STARD9: variants seen among roughly 807,000 people sequenced by gnomAD.
The protein encoded by STARD9 is StAR related lipid transfer domain containing 9, also known as stAR-related lipid transfer protein 9.
In STARD9, 346 loss-of-function variants were observed where a neutral mutation model predicts 399.8. That is an observed-to-expected ratio of 0.87 (90% CI 0.79 to 0.95). The LOEUF is 0.95. STARD9 is among the 40% of genes least tolerant of loss of function. The pLI is 0.00. For missense variants in STARD9, 5,832 were observed against 5,667.5 expected (o/e 1.03, Z -0.93); for synonymous variants, 2,203 against 2,143.5 (o/e 1.03, Z -0.77).
chr15:42,595,317 G>C (rs1281035894), intron 3 of STARD9, among the ~76,000 whole-genome samples: 3 of 152,080 alleles, frequency 2.0e-5, no homozygotes, highest in Non-Finnish European at 4.4e-5. Context: ...TTGCATTATT[G>C]CTTAAGGTCA....
intron 20 of STARD9, among the ~76,000 whole-genome samples, chr15:42,678,506 T>C (rs534196736): frequency 6.6e-6 from 1 of 152,160 alleles, no homozygotes; most frequent in Non-Finnish European, 1.5e-5. Context: ...ATTTTCCCAT[T>C]TGGAATTGTA....
Position 42,691,617 on chromosome 15 carries a change from C to G in STARD9, c.10039C>G (p.Pro3347Ala), listed in dbSNP as rs746609484. 1 of 1,537,144 alleles carries G rather than the reference C, an allele frequency of 6.5e-7. No individual in the cohort carries two copies. Among genetic ancestry groups the G allele is most frequent in the African/African-American group, 1.4e-5 (1 of 73,040 alleles). ...ELNLSVEPPS[P>A]TDEDTQGPNR... is the part of the protein sequence containing the mutation. ...GAACTTGAGTGTGGAGCCTCCTTCCCCTACAGACGAAGATACACAGGGGCC... is the reference window on the plus strand; with the variant it reads ...GAACTTGAGTGTGGAGCCTCCTTCCGCTACAGACGAAGATACACAGGGGCC... Residue 3347 changes from proline (P) to alanine (A), a missense_variant, in exon 23 of 33, where the codon CCT (proline) becomes GCT (alanine). Physicochemically the swap from Pro to Ala is conservative, Grantham distance 27. Coordinates refer to ENST00000290607, the MANE Select transcript of STARD9 (RefSeq NM_020759.3).
In STARD9 at chr15:42,689,372, A is replaced by G. The variant is rs1434570256; in HGVS notation, c.7794A>G (p.Gln2598=). 6.5e-7 allele frequency: 1 copy of G among 1,537,362 alleles called. No individual in the cohort carries two copies. The highest frequency in any genetic ancestry group is 2.0e-5 in the Admixed American group (1 of 51,000). The change falls in exon 23 of 33, where the codon CAA becomes CAG. Residue 2598 remains glutamine, a synonymous_variant. Transcript: ENST00000290607. ...SRVAGRPQCK[Q]IDQSSSDQTR... ...TTGCTGGCAGGCCTCAGTGTAAACA[A>G]ATAGACCAGTCATCATCAGACCAGA...
chr15:42,577,300 C>A (rs2058078101), intron 1 of STARD9, among the ~76,000 whole-genome samples: 1 of 152,130 alleles, frequency 6.6e-6, no homozygotes, highest in Admixed American at 6.5e-5. Flanking sequence ...ACTACAGGCA[C>A]CCGCCACCAT....
At position 42,685,262 on chromosome 15, in the gene STARD9, C is replaced by G; in HGVS notation, c.3684C>G (p.Asp1228Glu). The G allele has an allele frequency of 6.5e-7, 1 of 1,537,474 alleles. No homozygotes were observed. The highest frequency in any genetic ancestry group is 1.4e-5 in the African/African-American group (1 of 73,110). The change falls in exon 23 of 33, where the codon GAC (aspartate) becomes GAG (glutamate). Residue 1228 changes from aspartate (D) to glutamate (E), a missense_variant. Asp to Glu is a conservative substitution (Grantham distance 45). Around this residue, in one of 2 missense-constraint regions of STARD9, gnomAD observed 5,828 missense variants for 5,651.1 expected, o/e 1.03. Transcript: ENST00000290607. ...QQEEPFPGSA[D>E]EIPTETFWHL... ...AAGAACCTTTCCCTGGTTCAGCTGA[C>G]GAGATACCCACAGAGACTTTTTGGC... is the stretch of plus-strand genomic sequence containing the variant.
In STARD9 at chr15:42,712,121, A is replaced by G; in HGVS notation, c.13285-4556A>G. 3.4e-5 allele frequency among the ~76,000 whole-genome samples: 3 copies of G among 88,972 alleles called. 1 individual carries two copies. In the Admixed American group the frequency reaches 5.8e-4, roughly 17 times the overall value. 58.4% of individuals were successfully genotyped at this position (88,972 alleles called of 152,430 possible). On this transcript the variant is annotated intron_variant, in intron 26 of 32. Coordinates refer to ENST00000290607, the MANE Select transcript of STARD9 (RefSeq NM_020759.3). ...TAATATATAATATATAATATATAAT[A>G]TATATATAAATGTGCCTTTGCCCAT... is the stretch of plus-strand genomic sequence containing the variant.
At chr15:42,651,795 C>A (rs1365960621) in intron 8 of STARD9, among the ~76,000 whole-genome samples, 1 of 152,124 alleles carries the variant, frequency 6.6e-6, no homozygotes, top group Non-Finnish European at 1.5e-5. Flanking sequence ...TTCAGGGTAC[C>A]CTGAGCTCCA....
chr15:42,588,633 C>T (rs909569696), intron 3 of STARD9, among the ~76,000 whole-genome samples: 9 of 152,174 alleles, frequency 5.9e-5, no homozygotes, highest in African/African-American at 2.2e-4. Flanking sequence ...ATTGCTTTAA[C>T]ACAGAAATTG....
intron 27 of STARD9, 57 bp from the exon 28 acceptor site, chr15:42,716,870 C>T (rs971028737): frequency 3.9e-6 from 6 of 1,534,838 alleles, no homozygotes; most frequent in African/African-American, 2.7e-5. Flanking sequence ...AGAGCTGTTG[C>T]TGTCCTGAGG....
intron 4 of STARD9, among the ~76,000 whole-genome samples, chr15:42,635,568 A>G (rs1001998352): frequency 6.6e-6 from 1 of 152,008 alleles, no homozygotes; most frequent in African/African-American, 2.4e-5. Context: ...TCATCTCGTG[A>G]TCTGCCCGCC....
chr15:42,715,664 C>T (rs1355357067), intron 26 of STARD9, among the ~76,000 whole-genome samples: 3 of 152,086 alleles, frequency 2.0e-5, no homozygotes, highest in South Asian at 2.1e-4. Context: ...CCCGCCACCA[C>T]GCCCGGCTAA....
rs2060648136 is a variant in STARD9, at chr15:42,689,836, C to T, written c.8258C>T (p.Pro2753Leu). The change falls in exon 23 of 33, where the codon CCT (proline) becomes CTT (leucine). Residue 2753 changes from proline (P) to leucine (L), a missense_variant. Pro to Leu is a moderately conservative substitution (Grantham distance 98). Transcript: ENST00000290607. Reference sequence around the variant, plus strand: ...CCTTCTCAGGCCCCTTATGATGATCCTAGAGTGACTCTGCATGAGCTAAGT... The same window carrying T: ...CCTTCTCAGGCCCCTTATGATGATCTTAGAGTGACTCTGCATGAGCTAAGT... ...ALPSQAPYDD[P>L]RVTLHELSQS... 6.5e-7 allele frequency: 1 copy of T among 1,537,250 alleles called. No individual in the cohort carries two copies.
chr15:42,583,298 C>T (rs1489538095), intron 1 of STARD9, 48 bp from the exon 2 acceptor site: 4 of 1,441,576 alleles, frequency 2.8e-6, no homozygotes, highest in Admixed American at 2.2e-5. Context: ...GCTCTTTTTT[C>T]TTGATTTTAA....
chr15:42,697,038 C>T (rs1417401985), intron 26 of STARD9, among the ~76,000 whole-genome samples: 1 of 152,164 alleles, frequency 6.6e-6, no homozygotes, highest in South Asian at 2.1e-4. Flanking sequence ...AATGTTTAAA[C>T]AGTAGCAAAA....
intron 20 of STARD9, among the ~76,000 whole-genome samples, chr15:42,681,127 C>CT (rs1333040794): frequency 6.6e-6 from 1 of 152,108 alleles, no homozygotes; most frequent in East Asian, 1.9e-4. Context: ...GTTTTTGTGT[C>CT]TTTTTAAAAA....
At position 42,687,504 on chromosome 15, in the gene STARD9, A is replaced by G. The variant is rs1294283751; in HGVS notation, c.5926A>G (p.Asn1976Asp). The change falls in exon 23 of 33, where the codon AAT becomes GAT. Residue 1976 changes from asparagine (N) to aspartate (D), a missense_variant. Physicochemically the swap from Asn to Asp is conservative, Grantham distance 23. Around this residue, in one of 2 missense-constraint regions of STARD9, gnomAD observed 5,828 missense variants for 5,651.1 expected, o/e 1.03. Coordinates refer to ENST00000290607, the MANE Select transcript of STARD9 (RefSeq NM_020759.3). The part of the protein sequence containing the change: ...GGPTPKWEGK[N>D]ETGLLEKGLR... ...CCCAACCCCTAAGTGGGAAGGGAAAAATGAAACTGGGCTTCTTGAAAAAGG... is the reference window on the plus strand; with the variant it reads ...CCCAACCCCTAAGTGGGAAGGGAAAGATGAAACTGGGCTTCTTGAAAAAGG... The G allele has an allele frequency of 3.3e-6, 5 of 1,537,140 alleles. No individual in the cohort carries two copies. The highest frequency in any genetic ancestry group is 4.4e-6 in the Non-Finnish European group (5 of 1,146,912).
At chr15:42,656,991 TC>T (rs2059887308) in intron 9 of STARD9, among the ~76,000 whole-genome samples, 1 of 152,070 alleles carries the variant, frequency 6.6e-6, no homozygotes, top group South Asian at 2.1e-4. Context: ...CATCTGTTCC[TC>T]CAAAACCTAT....
chr15:42,693,835 G>T lies in STARD9; in HGVS notation c.12257G>T (p.Ser4086Ile). The T allele has an allele frequency of 6.5e-7, 1 of 1,536,712 alleles. No homozygotes were observed. The highest frequency in any genetic ancestry group is 8.7e-7 in the Non-Finnish European group (1 of 1,146,744). The change falls in exon 23 of 33, where the codon AGC (serine) becomes ATC (isoleucine). Residue 4086 changes from serine (S) to isoleucine (I), a missense_variant. Physicochemically the swap from Ser to Ile is moderately radical, Grantham distance 142 (BLOSUM62 -2). Transcript: ENST00000290607. ...PSSWGGLQHL[S>I]PCPVSELTDT... ...TCATGGGGAGGCCTCCAGCACCTCA[G>T]CCCCTGCCCTGTCTCTGAGTTGACT...
chr15:42,701,109 C>T (rs1339123805), intron 26 of STARD9, among the ~76,000 whole-genome samples: 1 of 152,048 alleles, frequency 6.6e-6, no homozygotes, highest in Non-Finnish European at 1.5e-5. Context: ...TTCCTTTAGT[C>T]TGTGTGTCAG....
Sources: gnomAD v4.1 joint callset for allele counts (sites outside exome capture counted in the v4.1 genomes callset) on GRCh38, gnomAD v4.1.1 for gene constraint, gnomAD v4.1.1 regional missense constraint, MANE v1.5 for transcripts, NCBI Gene and HGNC (gene_info 2026-07-23, HGNC 2026-07-21) for gene names.